Variants in DLG2 observed in about 807,000 individuals in gnomAD.
DLG2 encodes disks large homolog 2.
A neutral mutation model predicts 132.5 loss-of-function variants in DLG2; 45 were observed. That is an observed-to-expected ratio of 0.34 (90% CI 0.27 to 0.44). The LOEUF is 0.44. DLG2 is among the 20% of genes least tolerant of loss of function. The pLI is 1.00. For missense variants in DLG2, 1,045 were observed against 1,196.9 expected (o/e 0.87, Z 1.87); for synonymous variants, 424 against 419.6 (o/e 1.01, Z -0.13).
At chr11:85,394,612 C>T (rs1480322588) in intron 3 of DLG2, among the ~76,000 whole-genome samples, 1 of 152,198 alleles carries the variant, frequency 6.6e-6, no homozygotes, top group Admixed American at 6.6e-5. Flanking sequence ...TGTAACTTAA[C>T]ATTCAGTAAG....
intron 6 of DLG2, among the ~76,000 whole-genome samples, chr11:85,105,583 T>C (rs914043126): frequency 6.6e-6 from 1 of 151,932 alleles, no homozygotes; most frequent in African/African-American, 2.4e-5. Flanking sequence ...ACCACCCGTA[T>C]GGCCAAATGT....
At chr11:85,085,319 A>G (rs1474083775) in intron 6 of DLG2, among the ~76,000 whole-genome samples, 2 of 152,146 alleles carry the variant, frequency 1.3e-5, no homozygotes, top group Non-Finnish European at 2.9e-5. Context: ...TCTTAGATAT[A>G]TAGAAACTCC....
intron 3 of DLG2, among the ~76,000 whole-genome samples, chr11:85,310,378 A>G (rs1199987154): frequency 6.6e-6 from 1 of 152,228 alleles, no homozygotes; most frequent in Non-Finnish European, 1.5e-5. Flanking sequence ...GAAATAGGTT[A>G]GCATGAGTCT....
chr11:85,330,777 TAAAAAAAAAAAAATTAAAAAAAA>T (rs1354574727), intron 3 of DLG2, among the ~76,000 whole-genome samples: 1 of 43,344 alleles, frequency 2.3e-5, no homozygotes, highest in African/African-American at 1.0e-4. Flanking sequence ...TAGAGTATAA[TAAAAAAAAAAAAATTAAAAAAAA>T]AAAAAAAAAA....
Position 84,855,737 on chromosome 11 carries a change from T to A in DLG2, c.357+255924A>T, listed in dbSNP as rs559377295. 1.0e-3 allele frequency among the ~76,000 whole-genome samples: 157 copies of A among 152,230 alleles called. 1 individual carries two copies. Among genetic ancestry groups the A allele is most frequent in the African/African-American group, 3.5e-3 (145 of 41,564 alleles). On this transcript the variant is annotated intron_variant, in intron 6 of 27. Coordinates refer to ENST00000376104, the MANE Select transcript of DLG2 (RefSeq NM_001142699.3). ...CATTAATACATTCTTGGTGTCTTAC[T>A]GCTGAGTGACTGTTCTGAATAAATT... is the stretch of plus-strand genomic sequence containing the variant.
intron 3 of DLG2, among the ~76,000 whole-genome samples, chr11:85,545,924 A>G (rs892027944): frequency 6.6e-6 from 1 of 151,348 alleles, no homozygotes; most frequent in Non-Finnish European, 1.5e-5. Flanking sequence ...TATTTTGTTG[A>G]ACTTTTCAAA....
chr11:84,506,168 C>G (rs917105519), intron 7 of DLG2, among the ~76,000 whole-genome samples: 1 of 148,194 alleles, frequency 6.7e-6, no homozygotes, highest in East Asian at 2.0e-4. Flanking sequence ...CTCCGCCTCC[C>G]GGGTTCAAGC....
At chr11:84,951,530 G>A (rs563122699) in intron 6 of DLG2, among the ~76,000 whole-genome samples, 73 of 151,438 alleles carry the variant, frequency 4.8e-4, no homozygotes, top group Non-Finnish European at 9.1e-4. Flanking sequence ...TATAAATACC[G>A]ACGAGCATTA....
rs116984240 is a variant in DLG2 at position 84,628,592 on chromosome 11, G to T, written c.358-93861C>A. Among the ~76,000 whole-genome samples, 392 of 152,054 alleles carry T rather than the reference G, an allele frequency of 2.6e-3. 4 individuals carry two copies. The highest frequency in any genetic ancestry group is 4.8e-3 in the Non-Finnish European group (325 of 67,990). ...ATCTTCACATCTTTGCACATGTTAC[G>T]TCTTCTGCTCAGAAATGACCTCCAC... On this transcript the variant is annotated intron_variant, in intron 6 of 27. Transcript: ENST00000376104.
chr11:83,873,187 T>C (rs2063809222), intron 16 of DLG2, among the ~76,000 whole-genome samples: 1 of 152,218 alleles, frequency 6.6e-6, no homozygotes, highest in African/African-American at 2.4e-5. Flanking sequence ...CTACTTTCTA[T>C]ACAAGTACAC....
chr11:83,780,960 A>G (rs1273876023), intron 18 of DLG2, among the ~76,000 whole-genome samples: 1 of 152,120 alleles, frequency 6.6e-6, no homozygotes, highest in Non-Finnish European at 1.5e-5. Flanking sequence ...CACAAACTCT[A>G]ATGTGCATAC....
chr11:84,803,915 C>T (rs1220857443), intron 6 of DLG2, among the ~76,000 whole-genome samples: 1 of 152,156 alleles, frequency 6.6e-6, no homozygotes, highest in Non-Finnish European at 1.5e-5. Context: ...TTTCCTAGAA[C>T]AGAGCCTGAT....
rs908629838 is a variant in DLG2, at chr11:84,809,929, A to G, written c.358-275198T>C. Among the ~76,000 whole-genome samples the G allele has an allele frequency of 2.6e-5, 4 of 152,052 alleles. No individual in the cohort carries two copies. The East Asian group carries it at 5.8e-4, about 22-fold the overall frequency. On this transcript the variant is annotated intron_variant, in intron 6 of 27. Coordinates refer to ENST00000376104, the MANE Select transcript of DLG2 (RefSeq NM_001142699.3). ...CAGTGGAACAGAAAAGACATGCCCA[A>G]TTGGCTTTTGACAAGGGTATAAAAG...
chr11:84,700,746 T>A (rs962307992), intron 6 of DLG2, among the ~76,000 whole-genome samples: 1 of 151,600 alleles, frequency 6.6e-6, no homozygotes, highest in African/African-American at 2.4e-5. Context: ...TATTTTAACA[T>A]CCTCCTCCAT....
intron 5 of DLG2, among the ~76,000 whole-genome samples, chr11:85,119,259 G>T (rs761284251): frequency 2.0e-5 from 3 of 151,814 alleles, no homozygotes; most frequent in African/African-American, 7.3e-5. Flanking sequence ...TCTGCAGTCT[G>T]GGATTATTTA....
chr11:84,407,334 T>C (rs1437747146), intron 7 of DLG2, among the ~76,000 whole-genome samples: 4 of 152,176 alleles, frequency 2.6e-5, no homozygotes, highest in Admixed American at 2.6e-4. Flanking sequence ...GATTCTGACT[T>C]CTGAGCATTA....
chr11:83,960,595 T>A (rs1289313923), intron 14 of DLG2, among the ~76,000 whole-genome samples: 1 of 151,884 alleles, frequency 6.6e-6, no homozygotes, highest in Non-Finnish European at 1.5e-5. Context: ...GGGTTCTGCA[T>A]AAATTAGGGA....
chr11:84,541,388 G>A (rs1268015227), intron 6 of DLG2, among the ~76,000 whole-genome samples: 2 of 151,580 alleles, frequency 1.3e-5, no homozygotes, highest in Non-Finnish European at 2.9e-5. Flanking sequence ...GCTTAACCCT[G>A]CCCCCAACCC....
chr11:84,909,375 G>C (rs779022105), intron 6 of DLG2, among the ~76,000 whole-genome samples: 8 of 152,170 alleles, frequency 5.3e-5, no homozygotes, highest in Non-Finnish European at 7.3e-5. Flanking sequence ...AGACAGAATT[G>C]TGTGTATAGA....
Sources: allele counts gnomAD v4.1 joint callset (sites outside exome capture counted in the v4.1 genomes callset), GRCh38; gene constraint gnomAD v4.1.1; transcripts MANE v1.5; gene names NCBI Gene and HGNC (gene_info 2026-07-23, HGNC 2026-07-21).